The following GSE1 variants were observed in gnomAD, a reference collection of about 807,000 sequenced individuals.
GSE1 encodes the protein Gse1 coiled-coil protein.
Under a neutral mutation model 112.6 loss-of-function variants are expected in GSE1, and 32 were observed. The ratio of observed to expected loss-of-function variants is 0.28; its 90% CI spans 0.21 to 0.38. GSE1 has a LOEUF of 0.38. Ranked by LOEUF, GSE1 falls within the 10% of genes least tolerant of loss-of-function variation. The pLI is 1.00. For synonymous variants in GSE1, 1,115 were observed against 735.6 expected (o/e 1.52, Z -8.35); for missense variants, 2,348 against 1,699.2 (o/e 1.38, Z -6.71).
chr16:85,628,133 C>T (rs2151697728), intron 1 of GSE1, among the ~76,000 whole-genome samples: 1 of 152,360 alleles, frequency 6.6e-6, no homozygotes, highest in South Asian at 2.1e-4. Context: ...GGCCTCCTGT[C>T]CTGGCCTCAA....
At chr16:85,223,431 G>C (rs1255550589) in intron 1 of GSE1, among the ~76,000 whole-genome samples, 1 of 151,126 alleles carries the variant, frequency 6.6e-6, no homozygotes, top group African/African-American at 2.4e-5. Flanking sequence ...GCTGAGACAG[G>C]AGAATAGCTT....
At chr16:85,239,009 C>T (rs1904951281) in intron 1 of GSE1, among the ~76,000 whole-genome samples, 1 of 152,078 alleles carries the variant, frequency 6.6e-6, no homozygotes, top group Non-Finnish European at 1.5e-5. Context: ...CTCACTGCAA[C>T]CTCTGCCTCC....
intron 2 of GSE1, among the ~76,000 whole-genome samples, chr16:85,462,061 G>A (rs1008691254): frequency 1.3e-5 from 2 of 152,208 alleles, no homozygotes; most frequent in African/African-American, 4.8e-5. Flanking sequence ...GGGGCGCGAG[G>A]CTGAGCACAC....
intron 2 of GSE1, among the ~76,000 whole-genome samples, chr16:85,379,192 C>G (rs901583387): frequency 3.9e-5 from 6 of 152,302 alleles, no homozygotes. Flanking sequence ...CCTCAGCACC[C>G]TCCTCGCTGG....
At chr16:85,359,233 G>A (rs74316901) in intron 2 of GSE1, 2 of 367,232 alleles carry the variant, frequency 5.4e-6, no homozygotes, top group Admixed American at 3.3e-5. Context: ...AGGGCAGGCC[G>A]GGTGCCCCTG....
chr16:85,217,874 C>T (rs1346742186), intron 1 of GSE1, among the ~76,000 whole-genome samples: 1 of 152,042 alleles, frequency 6.6e-6, no homozygotes, highest in Non-Finnish European at 1.5e-5. Flanking sequence ...CTTCCAGCCT[C>T]TTCTTTTTTT....
rs2046045130 is a variant in GSE1 at position 85,319,099 on chromosome 16, A to C, written c.2284-38364A>C. ...GAACTTGTGGGGCCCAGCATGTCAT[A>C]GGCCCTCAGTATCGCTCACCCCCTC... On this transcript the variant is annotated intron_variant, in intron 1 of 2. Transcript: ENST00000637419. 2.6e-5 allele frequency among the ~76,000 whole-genome samples: 4 copies of C among 152,268 alleles called. No individual in the cohort carries two copies. In the South Asian group the frequency reaches 8.3e-4, roughly 32 times the overall value.
At chr16:85,404,730 C>T (rs1449088157) in intron 2 of GSE1, among the ~76,000 whole-genome samples, 2 of 43,450 alleles carry the variant, frequency 4.6e-5, no homozygotes, top group East Asian at 1.0e-3. Context: ...TCAGGCCCCC[C>T]GGATAATCCT....
At chr16:85,640,250 C>T (rs2050332409) in intron 2 of GSE1, among the ~76,000 whole-genome samples, 2 of 152,200 alleles carry the variant, frequency 1.3e-5, no homozygotes, top group Admixed American at 6.5e-5. Context: ...CCACACTTCG[C>T]TCCCTTAACA....
At chr16:85,420,556 A>G (rs868463849) in intron 2 of GSE1, among the ~76,000 whole-genome samples, 8 of 152,198 alleles carry the variant, frequency 5.3e-5, no homozygotes, top group Middle Eastern at 6.8e-3. Context: ...CTCAGGGCCC[A>G]TGTGCCTCCT....
chr16:85,257,877 T>C (rs1907250101), intron 1 of GSE1, among the ~76,000 whole-genome samples: 1 of 152,228 alleles, frequency 6.6e-6, no homozygotes, highest in South Asian at 2.1e-4. Context: ...TCTGGGACGC[T>C]CTGTCATCAT....
At chr16:85,641,075 A>G (rs1282288176) in intron 2 of GSE1, among the ~76,000 whole-genome samples, 1 of 152,202 alleles carries the variant, frequency 6.6e-6, no homozygotes, top group African/African-American at 2.4e-5. Context: ...GTCCTGGGAT[A>G]ATGGAGGCAA....
At chr16:85,325,528 T>C (rs1416211544) in intron 1 of GSE1, among the ~76,000 whole-genome samples, 3 of 152,148 alleles carry the variant, frequency 2.0e-5, no homozygotes, top group Non-Finnish European at 4.4e-5. Flanking sequence ...CTCAGCTCAC[T>C]GCAACCTCCG....
At chr16:85,375,865 G>T (rs1253234365) in intron 2 of GSE1, among the ~76,000 whole-genome samples, 2 of 152,188 alleles carry the variant, frequency 1.3e-5, no homozygotes, top group African/African-American at 2.4e-5. Flanking sequence ...AGTGCCTACT[G>T]CATGCCAGCT....
rs577086177 is a variant in GSE1, at chr16:85,232,770, G to A, written c.2283+60963G>A. The stretch of plus-strand genomic sequence containing the variant: ...CTCAGCTCAAAAGCCACTTCCTCCC[G>A]GAGGCCTCGCTGACCACCCCAGCTT... On this transcript the variant is annotated intron_variant, in intron 1 of 2. Coordinates refer to the GSE1 transcript ENST00000637419. Among the ~76,000 whole-genome samples, 11 of 152,360 alleles carry A rather than the reference G, an allele frequency of 7.2e-5. 1 individual carries two copies. The highest frequency in any genetic ancestry group is 4.1e-4 in the South Asian group (2 of 4,828).
chr16:85,415,909 G>A (rs1476038450), intron 2 of GSE1, among the ~76,000 whole-genome samples: 1 of 152,204 alleles, frequency 6.6e-6, no homozygotes, highest in Non-Finnish European at 1.5e-5. Flanking sequence ...TTGAACTTGT[G>A]GCGGACCCAT....
At chr16:85,357,763 A>T (rs2046980455) in intron 2 of GSE1, 1 of 513,810 alleles carries the variant, frequency 1.9e-6, no homozygotes, top group African/African-American at 2.0e-5. Flanking sequence ...TCGGCATCCT[A>T]GGGGAGAGAC....
intron 1 of GSE1, among the ~76,000 whole-genome samples, chr16:85,314,718 G>A (rs888142212): frequency 1.9e-4 from 29 of 152,144 alleles, no homozygotes; most frequent in African/African-American, 6.8e-4. Context: ...CGTCTCCCCC[G>A]CAGCAGGCCC....
rs1366607438 is a variant in GSE1 at position 85,250,914 on chromosome 16, C to G, written c.2283+79107C>G. ...TGGACATTTCATCTGTGTGGAATCACAGCATGTGGACTTCTGTGTCTGGCA... is the reference window on the plus strand; with the variant it reads ...TGGACATTTCATCTGTGTGGAATCAGAGCATGTGGACTTCTGTGTCTGGCA... On this transcript the variant is annotated intron_variant, in intron 1 of 2. Transcript: ENST00000637419. 4.6e-5 allele frequency among the ~76,000 whole-genome samples: 7 copies of G among 151,612 alleles called. No homozygotes were observed. In the South Asian group the frequency reaches 1.5e-3, roughly 32 times the overall value.
Sources: allele counts gnomAD v4.1 joint callset (sites outside exome capture counted in the v4.1 genomes callset), GRCh38; gene constraint gnomAD v4.1.1; transcripts MANE v1.5; gene names NCBI Gene and HGNC (gene_info 2026-07-23, HGNC 2026-07-21).